The following PLSCR2 variants were observed in gnomAD, a reference collection of about 807,000 sequenced individuals.
The protein encoded by PLSCR2 is PL scramblase 2.
In PLSCR2, 18 loss-of-function variants were observed where a neutral mutation model predicts 25.3. The observed-to-expected ratio is 0.71, with a 90% confidence interval of 0.49 to 1.06. The LOEUF (loss-of-function observed/expected upper bound fraction) is 1.06, where lower values mean the gene tolerates loss of function less well. PLSCR2 is among the 50% of genes least tolerant of loss of function. The probability of loss-of-function intolerance (pLI) is 0.00; values close to 1 mark genes in which losing one functional copy is unlikely to be tolerated. For missense variants in PLSCR2, 243 were observed against 269.5 expected (o/e 0.90, Z 0.69); for synonymous variants, 88 against 87.3 (o/e 1.01, Z -0.04).
chr3:146,444,585 T>A (rs2040436557), intron 6 of PLSCR2, among the ~76,000 whole-genome samples: 1 of 152,048 alleles, frequency 6.6e-6, no homozygotes, highest in Non-Finnish European at 1.5e-5. Context: ...TAGCTACTCC[T>A]GCTCTTCATT....
At chr3:146,469,787 CACGCCGTGTGCGACGCGCAGCTG>C (rs2042041860) in intron 1 of PLSCR2, among the ~76,000 whole-genome samples, 1 of 144,092 alleles carries the variant, frequency 6.9e-6, no homozygotes, top group Non-Finnish European at 1.5e-5. Context: ...CCCACCCCCC[CACGCCGTGTGCGACGCGCAGCTG>C]CCGCCCAGCC....
downstream of PLSCR2, among the ~76,000 whole-genome samples, chr3:146,436,941 T>C (rs566587765): frequency 6.6e-6 from 1 of 152,302 alleles, no homozygotes; most frequent in East Asian, 1.9e-4. Flanking sequence ...TATTTTGAGA[T>C]ACATCCCATC....
upstream of PLSCR2, among the ~76,000 whole-genome samples, chr3:146,464,307 G>A (rs141500424): frequency 3.1e-3 from 479 of 152,230 alleles, 2 homozygotes; most frequent in African/African-American, 0.011. Flanking sequence ...AAAATTGCAT[G>A]AGCCAATTTC....
chr3:146,487,832 T>C (rs2043401256), intron 1 of PLSCR2, among the ~76,000 whole-genome samples: 1 of 152,174 alleles, frequency 6.6e-6, no homozygotes, highest in Non-Finnish European at 1.5e-5. Flanking sequence ...GCTTTAAATT[T>C]CATATGGAAC....
chr3:146,397,788 C>T (rs1485302650), intron 2 of PLSCR2, among the ~76,000 whole-genome samples: 1 of 152,058 alleles, frequency 6.6e-6, no homozygotes, highest in African/African-American at 2.4e-5. Context: ...ATAGTCTACT[C>T]TGTTACTTTG....
At chr3:146,428,110 T>C (rs2039418737) in intron 2 of PLSCR2, among the ~76,000 whole-genome samples, 1 of 152,190 alleles carries the variant, frequency 6.6e-6, no homozygotes, top group Non-Finnish European at 1.5e-5. Context: ...ATTCTGGCAG[T>C]ACAATTTAAA....
chr3:146,401,354 A>G (rs1368816422), intron 2 of PLSCR2: 2 of 152,514 alleles, frequency 1.3e-5, no homozygotes, highest in East Asian at 3.8e-4. Context: ...ATAAATATTT[A>G]CTTACCTTTT....
At chr3:146,445,512 C>T (rs763733060) in intron 6 of PLSCR2, among the ~76,000 whole-genome samples, 1 of 152,036 alleles carries the variant, frequency 6.6e-6, no homozygotes, top group Non-Finnish European at 1.5e-5. Context: ...AAGTCTGCTG[C>T]CAGATGTATT....
At chr3:146,483,603 C>T (rs1179966177) in intron 1 of PLSCR2, among the ~76,000 whole-genome samples, 2 of 149,756 alleles carry the variant, frequency 1.3e-5, no homozygotes, top group African/African-American at 4.9e-5. Flanking sequence ...TGTTCTCCAG[C>T]CTCTTCGGGT....
intron 8 of PLSCR2, among the ~76,000 whole-genome samples, chr3:146,435,958 A>G (rs1329417153): frequency 6.6e-6 from 1 of 152,226 alleles, no homozygotes; most frequent in African/African-American, 2.4e-5. Context: ...TATAAGGTGT[A>G]AGGAAGGGAT....
chr3:146,427,880 A>T (rs2039411784), intron 2 of PLSCR2, among the ~76,000 whole-genome samples: 1 of 152,138 alleles, frequency 6.6e-6, no homozygotes, highest in South Asian at 2.1e-4. Flanking sequence ...ATATCTTTGT[A>T]TGTATTTATT....
chr3:146,477,568 A>C (rs1434076821), intron 1 of PLSCR2, among the ~76,000 whole-genome samples: 1 of 152,210 alleles, frequency 6.6e-6, no homozygotes, highest in Non-Finnish European at 1.5e-5. Flanking sequence ...GACTAGGTAA[A>C]CAAAGTGGCC....
intron 2 of PLSCR2, among the ~76,000 whole-genome samples, chr3:146,400,862 C>A (rs1356328443): frequency 2.0e-5 from 3 of 151,766 alleles, no homozygotes; most frequent in African/African-American, 7.2e-5. Flanking sequence ...TAAACATATA[C>A]ATTGGCAATT....
chr3:146,391,858 T>C (rs887025549), intron 3 of PLSCR2, among the ~76,000 whole-genome samples: 1 of 152,134 alleles, frequency 6.6e-6, no homozygotes, highest in Non-Finnish European at 1.5e-5. Context: ...TTCATTTACA[T>C]ACTCATTTTA....
chr3:146,393,337 A>G (rs1265555793), intron 3 of PLSCR2, among the ~76,000 whole-genome samples: 1 of 151,548 alleles, frequency 6.6e-6, no homozygotes, highest in African/African-American at 2.4e-5. Flanking sequence ...CTACATTTCT[A>G]TATGTATAAA....
upstream of PLSCR2, among the ~76,000 whole-genome samples, chr3:146,463,175 G>A (rs2041696157): frequency 6.6e-6 from 1 of 152,134 alleles, no homozygotes; most frequent in South Asian, 2.1e-4. Flanking sequence ...GTGAAACTTT[G>A]TACTTGGTAT....
In PLSCR2 at chr3:146,452,601, G is replaced by A. The variant is rs532840727; in HGVS notation, c.483+1401C>T. On this transcript the variant is annotated intron_variant, in intron 5 of 6. Transcript: ENST00000610787. Reference sequence around the variant, plus strand: ...CATTATTTTCCTGCATTCTCTAATCGTATGACTATTAGTTACTCTTAGAAT... The same window carrying A: ...CATTATTTTCCTGCATTCTCTAATCATATGACTATTAGTTACTCTTAGAAT... Among the ~76,000 whole-genome samples, 60 of 152,048 alleles carry A rather than the reference G, an allele frequency of 3.9e-4. 1 individual carries two copies. In the South Asian group the frequency reaches 7.1e-3, roughly 18 times the overall value.
downstream of PLSCR2, among the ~76,000 whole-genome samples, chr3:146,436,774 C>G (rs966345312): frequency 5.9e-5 from 9 of 152,118 alleles, no homozygotes; most frequent in African/African-American, 2.2e-4. Flanking sequence ...ATTTCTTTCT[C>G]TTGCCTGATT....
chr3:146,408,308 G>A (rs1224229147), intron 2 of PLSCR2, among the ~76,000 whole-genome samples: 1 of 152,116 alleles, frequency 6.6e-6, no homozygotes, highest in Non-Finnish European at 1.5e-5. Flanking sequence ...TGGACAAACA[G>A]GTGAAACGGC....
Sources: allele counts gnomAD v4.1 joint callset (sites outside exome capture counted in the v4.1 genomes callset), GRCh38; gene constraint gnomAD v4.1.1; transcripts MANE v1.5; gene names NCBI Gene and HGNC (gene_info 2026-07-23, HGNC 2026-07-21).